NBPF20: variants seen among roughly 807,000 people sequenced by gnomAD.
The protein encoded by NBPF20 is NBPF member 20.
NBPF20 carries 90 observed loss-of-function variants against 68.1 expected under a neutral mutation model. The observed-to-expected ratio is 1.32, with a 90% CI of 1.11 to 1.58. The LOEUF (loss-of-function observed/expected upper bound fraction) is 1.58, where lower values mean the gene tolerates loss of function less well. Ranked by LOEUF, NBPF20 falls within the 40% of genes most tolerant of loss-of-function variation. The probability of loss-of-function intolerance (pLI) is 0.00; values close to 1 mark genes in which losing one functional copy is unlikely to be tolerated. For missense variants in NBPF20, 816 were observed against 601.2 expected, an observed-to-expected ratio of 1.36 and a Z score of -3.74; for synonymous variants, 290 against 228.1, an observed-to-expected ratio of 1.27 and a Z score of -2.45.
chr1:145,421,470 T>C, the NBPF20 span, among the ~76,000 whole-genome samples: 1 of 152,230 alleles, frequency 6.6e-6, no homozygotes, highest in Non-Finnish European at 1.5e-5. Flanking sequence ...GTGAAAACTG[T>C]GACACTTGGA....
the NBPF20 span, among the ~76,000 whole-genome samples, chr1:145,419,460 T>A: frequency 6.6e-6 from 1 of 152,136 alleles, no homozygotes. Flanking sequence ...ACACTGAGTC[T>A]TGTCTTTGGA....
chr1:145,341,123 G>A (rs1571350031), intron 75 of NBPF20, among the ~76,000 whole-genome samples, 184 bp from the exon 81 acceptor site: 1 of 85,706 alleles, frequency 1.2e-5, no homozygotes, highest in East Asian at 2.8e-4. Flanking sequence ...CAATGAAAGA[G>A]AAAGACAGAG....
upstream of NBPF20, among the ~76,000 whole-genome samples, chr1:145,407,513 G>A (rs1469528162): frequency 6.9e-6 from 1 of 144,580 alleles, no homozygotes; most frequent in East Asian, 2.0e-4. Flanking sequence ...ATATATACGT[G>A]TATATACATA....
At chr1:145,292,459 C>A (rs782152276) in exon 137 of NBPF20, 17 of 717,638 alleles carry the variant, frequency 2.4e-5, no homozygotes, top group Non-Finnish European at 3.2e-5. Flanking sequence ...TCTTCCCCTT[C>A]TTTTCTTCCC....
At chr1:145,291,468 T>C in exon 138 of NBPF20, 2 of 1,612,006 alleles carry the variant, frequency 1.2e-6, no homozygotes, top group Non-Finnish European at 1.7e-6. Flanking sequence ...ATTCAAATCT[T>C]CACGTGCCTA....
chr1:145,292,338 G>A (rs782634674), intron 137 of NBPF20, 43 bp downstream of exon 142: 1 of 647,714 alleles, frequency 1.5e-6, no homozygotes, highest in African/African-American at 2.0e-5. Context: ...GTTGCCTCCA[G>A]GTGTTAACAC....
the NBPF20 span, among the ~76,000 whole-genome samples, chr1:145,421,265 C>T: frequency 6.6e-6 from 1 of 152,192 alleles, no homozygotes; most frequent in Non-Finnish European, 1.5e-5. Context: ...ATCGCATCTA[C>T]TGGTCTATCT....
chr1:145,405,111 C>T (rs1239534148), exon 2 of NBPF20: 70 of 1,613,452 alleles, frequency 4.3e-5, no homozygotes, highest in East Asian at 1.6e-4. Context: ...ATTTCTTCTG[C>T]TGGTTGGCCA....
intron 9 of NBPF20, 111 bp downstream of exon 14, chr1:145,393,773 A>C (rs1662064922): frequency 1.4e-6 from 2 of 1,480,362 alleles, no homozygotes; most frequent in East Asian, 2.3e-5. Flanking sequence ...GGCATAATTC[A>C]GACTTGTCTG....
intron 137 of NBPF20, among the ~76,000 whole-genome samples, 153 bp from the exon 143 acceptor site, chr1:145,291,922 G>A (rs1263737783): frequency 6.6e-6 from 1 of 151,776 alleles, no homozygotes; most frequent in South Asian, 2.1e-4. Flanking sequence ...CCTATATGTT[G>A]GGATAGAACA....
chr1:145,341,593 C>T (rs1661619311), exon 75 of NBPF20: 1 of 17,132 alleles, frequency 5.8e-5, no homozygotes, highest in Non-Finnish European at 1.3e-4. Context: ...GATCTTCTTC[C>T]CCTTCTTTTC....
chr1:145,393,565 G>A (rs1381082365), intron 9 of NBPF20, among the ~76,000 whole-genome samples: 2 of 151,998 alleles, frequency 1.3e-5, no homozygotes, highest in Admixed American at 1.3e-4. Flanking sequence ...TGTGCTCTCA[G>A]GACACACTGT....
chr1:145,311,922 A>T (rs1352700851), intron 112 of NBPF20, among the ~76,000 whole-genome samples: 1 of 111,076 alleles, frequency 9.0e-6, no homozygotes. Context: ...ATTCAGACAA[A>T]ATCAGAGTTG....
exon 6 of NBPF20, chr1:145,400,390 T>A: frequency 6.2e-7 from 1 of 1,612,754 alleles, no homozygotes; most frequent in East Asian, 2.2e-5. Context: ...AGAGGCTACC[T>A]GGAATAATGT....
chr1:145,397,421 C>T (rs1662304556), intron 7 of NBPF20, among the ~76,000 whole-genome samples: 1 of 152,138 alleles, frequency 6.6e-6, no homozygotes, highest in Admixed American at 6.6e-5. Flanking sequence ...CACATCCTCT[C>T]CAGCATCTTC....
At chr1:145,424,805 C>T in the NBPF20 span, among the ~76,000 whole-genome samples, 4 of 152,182 alleles carry the variant, frequency 2.6e-5, no homozygotes, top group African/African-American at 7.2e-5. Flanking sequence ...GAATTTGAGG[C>T]TTGTCCCGCT....
the NBPF20 span, among the ~76,000 whole-genome samples, chr1:145,417,217 A>T: frequency 6.6e-6 from 1 of 151,296 alleles, no homozygotes; most frequent in Non-Finnish European, 1.5e-5. Context: ...TTAAAACAGC[A>T]AAGATAGCCT....
intron 3 of NBPF20, among the ~76,000 whole-genome samples, chr1:145,402,962 T>C (rs1398701624): frequency 4.6e-5 from 7 of 151,848 alleles, no homozygotes; most frequent in Admixed American, 2.0e-4. Context: ...TTGGTTAATT[T>C]TGTGTTATGT....
intron 7 of NBPF20, among the ~76,000 whole-genome samples, chr1:145,395,641 A>C (rs1268899934): frequency 1.3e-5 from 2 of 150,244 alleles, no homozygotes; most frequent in Admixed American, 1.3e-4. Context: ...GGAAAAAAGC[A>C]TGTATACACC....
Sources: gnomAD v4.1 joint callset for allele counts (sites outside exome capture counted in the v4.1 genomes callset) on GRCh38, gnomAD v4.1.1 for gene constraint, MANE v1.5 for transcripts, NCBI Gene and HGNC (gene_info 2026-07-23, HGNC 2026-07-21) for gene names.